The following FBXW8 variants were observed in gnomAD, a reference collection of about 807,000 sequenced individuals.
FBXW8 encodes F-box and WD repeat domain containing 8.
In FBXW8, 57 loss-of-function variants were observed where a neutral mutation model predicts 65.3. The observed-to-expected ratio is 0.87, with a 90% CI of 0.71 to 1.09. The LOEUF is 1.09. Ranked by LOEUF, FBXW8 falls within the 50% of genes least tolerant of loss-of-function variation. The pLI is 0.00. For synonymous variants in FBXW8, 308 were observed against 330.2 expected, an observed-to-expected ratio of 0.93 and a Z score of 0.73; for missense variants, 777 against 814.8, an observed-to-expected ratio of 0.95 and a Z score of 0.57.
intron 5 of FBXW8, 66 bp downstream of exon 5, chr12:116,964,920 T>C (rs2137391533): frequency 6.7e-7 from 1 of 1,498,722 alleles, no homozygotes. Flanking sequence ...TAAGCAGCTG[T>C]GGCCGGCTCC....
intron 8 of FBXW8, among the ~76,000 whole-genome samples, chr12:117,012,729 T>C (rs1953855721): frequency 6.6e-6 from 1 of 152,184 alleles, no homozygotes; most frequent in Non-Finnish European, 1.5e-5. Flanking sequence ...GGCTGTCACT[T>C]ACTGACTGAT....
At chr12:116,998,803 G>T (rs1203836459) in intron 7 of FBXW8, among the ~76,000 whole-genome samples, 1 of 152,250 alleles carries the variant, frequency 6.6e-6, no homozygotes, top group Non-Finnish European at 1.5e-5. Context: ...TGAGACTGAT[G>T]CTGGTTTGGG....
chr12:116,944,129 T>A (rs1486795203), intron 2 of FBXW8, among the ~76,000 whole-genome samples: 1 of 152,204 alleles, frequency 6.6e-6, no homozygotes, highest in Non-Finnish European at 1.5e-5. Context: ...GGAAACAGAA[T>A]TAGCACACAT....
chr12:116,914,147 C>T (rs1880214683), intron 1 of FBXW8, among the ~76,000 whole-genome samples: 1 of 152,048 alleles, frequency 6.6e-6, no homozygotes, highest in Non-Finnish European at 1.5e-5. Flanking sequence ...GTGGTGCACC[C>T]CTTTAGTTCT....
intron 2 of FBXW8, among the ~76,000 whole-genome samples, chr12:116,945,079 C>T (rs1882842285): frequency 6.6e-6 from 1 of 152,100 alleles, no homozygotes; most frequent in Non-Finnish European, 1.5e-5. Context: ...ATATTTTTTG[C>T]ATTTTATGTA....
intron 6 of FBXW8, chr12:116,986,068 C>G (rs988284478): frequency 2.0e-5 from 3 of 152,214 alleles, no homozygotes; most frequent in African/African-American, 7.2e-5. Context: ...TCTGTCTATG[C>G]TGAGTTAGGA....
chr12:117,010,252 T>C, intron 7 of FBXW8, 71 bp from the exon 8 acceptor site: 1 of 1,606,260 alleles, frequency 6.2e-7, no homozygotes, highest in Admixed American at 1.7e-5. Context: ...TCCACGATGG[T>C]GAAATGAAAG....
At chr12:116,949,846 A>G in intron 4 of FBXW8, 140 bp downstream of exon 4, 1 of 773,630 alleles carries the variant, frequency 1.3e-6, no homozygotes, top group Non-Finnish European at 2.2e-6. Context: ...GAAGAGGGAG[A>G]GTCTCCGTGA....
chr12:116,998,565 A>G (rs1953436834), intron 7 of FBXW8, among the ~76,000 whole-genome samples: 1 of 152,182 alleles, frequency 6.6e-6, no homozygotes, highest in African/African-American at 2.4e-5. Context: ...CGCTAACTCC[A>G]TTTATTTCAC....
chr12:116,968,972 G>A (rs1884489137), intron 5 of FBXW8, among the ~76,000 whole-genome samples: 1 of 152,068 alleles, frequency 6.6e-6, no homozygotes, highest in Non-Finnish European at 1.5e-5. Flanking sequence ...TCTTCTCGGA[G>A]AGCCCATTTC....
chr12:117,026,960 G>A (rs762319201), intron 9 of FBXW8, among the ~76,000 whole-genome samples: 33 of 152,174 alleles, frequency 2.2e-4, no homozygotes, highest in Non-Finnish European at 4.0e-4. Context: ...AGCAGGATGT[G>A]GGGGGCACCT....
chr12:116,999,085 C>T (rs117851748), intron 7 of FBXW8, among the ~76,000 whole-genome samples: 2,049 of 152,242 alleles, frequency 0.013, 26 homozygotes, highest in South Asian at 0.053. Context: ...TTCTAATGGA[C>T]GCAAAGTTAC....
At chr12:117,019,226 C>G (rs1276650378) in intron 8 of FBXW8, among the ~76,000 whole-genome samples, 1 of 152,198 alleles carries the variant, frequency 6.6e-6, no homozygotes, top group Non-Finnish European at 1.5e-5. Context: ...TATTATGTAT[C>G]ATCTATACAT....
intron 2 of FBXW8, among the ~76,000 whole-genome samples, chr12:116,930,140 A>G (rs953421722): frequency 1.3e-5 from 2 of 152,210 alleles, no homozygotes; most frequent in Admixed American, 6.5e-5. Flanking sequence ...GCCTGGCAGT[A>G]CAGAGATCAC....
chr12:116,978,571 T>C (rs1436615980), intron 5 of FBXW8: 1 of 152,226 alleles, frequency 6.6e-6, no homozygotes, highest in African/African-American at 2.4e-5. Flanking sequence ...ACGCAGTTAA[T>C]TGATCCTGTC....
chr12:117,010,787 A>T (rs578260751), intron 8 of FBXW8, among the ~76,000 whole-genome samples: 1 of 152,342 alleles, frequency 6.6e-6, no homozygotes, highest in Non-Finnish European at 1.5e-5. Context: ...TCACTTTCTA[A>T]TATTAAAAAC....
intron 7 of FBXW8, among the ~76,000 whole-genome samples, chr12:117,006,323 T>C (rs1028902048): frequency 5.3e-5 from 8 of 152,236 alleles, no homozygotes; most frequent in African/African-American, 1.9e-4. Flanking sequence ...ATGAGGGTGA[T>C]AGCCCCCAAT....
rs1954257935 is a variant in FBXW8, at chr12:117,027,401, G to C, written c.1549G>C (p.Val517Leu). Residue 517 changes from valine (V) to leucine (L), a missense_variant, in exon 10 of 11, where the codon GTG becomes CTG. Val to Leu is a conservative substitution (Grantham distance 32). Coordinates refer to ENST00000652555, the MANE Select transcript of FBXW8 (RefSeq NM_153348.3). ...TCTCCCACTGCCTTCCAGGCACCCG[G>C]TGCAGCACATCTCATTCAGCAGCCA... ...KLWEVYSGHP[V>L]QHISFSSHSL... is the part of the protein sequence containing the mutation. 5.6e-6 allele frequency: 9 copies of C among 1,613,922 alleles called. No individual in the cohort carries two copies. The highest frequency in any genetic ancestry group is 7.6e-6 in the Non-Finnish European group (9 of 1,179,988).
intron 8 of FBXW8, among the ~76,000 whole-genome samples, chr12:117,020,472 G>A (rs1046681307): frequency 9.2e-5 from 14 of 152,130 alleles, no homozygotes; most frequent in African/African-American, 2.7e-4. Flanking sequence ...TGGGGCGTGT[G>A]GTGCACCACC....
Sources: allele counts gnomAD v4.1 joint callset (sites outside exome capture counted in the v4.1 genomes callset), GRCh38; gene constraint gnomAD v4.1.1; transcripts MANE v1.5; gene names NCBI Gene and HGNC (gene_info 2026-07-23, HGNC 2026-07-21).